Variants in AK4 observed in about 807,000 individuals in gnomAD.
AK4 encodes the protein adenylate kinase 4, mitochondrial.
In AK4, 13 loss-of-function variants were observed where a neutral mutation model predicts 24.6. The observed-to-expected ratio is 0.53, with a 90% CI of 0.34 to 0.84. The LOEUF is 0.84. AK4 is among the 40% of genes least tolerant of loss of function. AK4 has a pLI of 0.01. For missense variants in AK4, 192 were observed against 288.2 expected, an observed-to-expected ratio of 0.67 and a Z score of 2.42; for synonymous variants, 88 against 107.0, an observed-to-expected ratio of 0.82 and a Z score of 1.10.
intron 2 of AK4, among the ~76,000 whole-genome samples, chr1:65,212,439 C>T (rs536779923): frequency 6.6e-6 from 1 of 152,050 alleles, no homozygotes; most frequent in South Asian, 2.1e-4. Flanking sequence ...TGGGATGAGC[C>T]ACTGTGCTCA....
At chr1:65,223,689 T>C (rs762312384) in intron 3 of AK4, among the ~76,000 whole-genome samples, 33 of 152,080 alleles carry the variant, frequency 2.2e-4, no homozygotes, top group Non-Finnish European at 4.1e-4. Flanking sequence ...ATCATATACA[T>C]TTTCAAATCA....
At chr1:65,155,344 G>T (rs960012749) in intron 1 of AK4, among the ~76,000 whole-genome samples, 2 of 152,054 alleles carry the variant, frequency 1.3e-5, no homozygotes, top group African/African-American at 2.4e-5. Context: ...TTGGTGGCGT[G>T]TGCCTATAGT....
In AK4 at chr1:65,217,496, C is replaced by T. The variant is rs550962954; in HGVS notation, c.266-1258C>T. Among the ~76,000 whole-genome samples the T allele has an allele frequency of 1.1e-4, 16 of 152,222 alleles. No individual in the cohort carries two copies. In the South Asian group the frequency reaches 3.3e-3, roughly 32 times the overall value. On this transcript the variant is annotated intron_variant, in intron 2 of 4. Transcript: ENST00000327299. Reference sequence around the variant, plus strand: ...GCTCTTCATCTACCTGGTTCTTTAACTAGGATATAAAGACATTTTTTTAGA... The same window carrying T: ...GCTCTTCATCTACCTGGTTCTTTAATTAGGATATAAAGACATTTTTTTAGA...
At chr1:65,182,538 A>T (rs77954776) in intron 1 of AK4, among the ~76,000 whole-genome samples, 2 of 138,928 alleles carry the variant, frequency 1.4e-5, no homozygotes, top group African/African-American at 5.9e-5. Flanking sequence ...ACATTCAGAT[A>T]AAAAAAAAAA....
chr1:65,155,050 C>T (rs1198385646), intron 1 of AK4, among the ~76,000 whole-genome samples: 1 of 151,910 alleles, frequency 6.6e-6, no homozygotes, highest in East Asian at 2.0e-4. Flanking sequence ...GGGGTTTCAC[C>T]ATGTTGGCCA....
intron 1 of AK4, among the ~76,000 whole-genome samples, chr1:65,150,054 G>T (rs1221791058): frequency 6.6e-6 from 1 of 152,110 alleles, no homozygotes; most frequent in Non-Finnish European, 1.5e-5. Flanking sequence ...TACCTGACTA[G>T]GAGACTTGTT....
At chr1:65,203,926 A>T (rs1275222768) in intron 2 of AK4, among the ~76,000 whole-genome samples, 1 of 152,220 alleles carries the variant, frequency 6.6e-6, no homozygotes, top group Non-Finnish European at 1.5e-5. Flanking sequence ...AGAGATGGAC[A>T]GGTTGATTAG....
At chr1:65,174,974 A>G (rs1650663344) in intron 1 of AK4, among the ~76,000 whole-genome samples, 1 of 152,122 alleles carries the variant, frequency 6.6e-6, no homozygotes, top group Non-Finnish European at 1.5e-5. Context: ...AATGTGCTCC[A>G]TGGTAGGAAT....
At chr1:65,200,725 C>T (rs2101055711) in intron 2 of AK4, among the ~76,000 whole-genome samples, 1 of 152,166 alleles carries the variant, frequency 6.6e-6, no homozygotes, top group South Asian at 2.1e-4. Flanking sequence ...CCAGACACCA[C>T]AGTAGAGCAA....
At chr1:65,175,522 G>GA (rs1650684835) in intron 1 of AK4, among the ~76,000 whole-genome samples, 1 of 152,186 alleles carries the variant, frequency 6.6e-6, no homozygotes, top group Non-Finnish European at 1.5e-5. Context: ...TTCACACTCT[G>GA]GGCCTTGTGC....
Position 65,167,931 on chromosome 1 carries a change from A to G in AK4, c.145+19379A>G, listed in dbSNP as rs184039177. ...AATTAAATCCGCTAGCTCTTCAGAT[A>G]ATTGAAAATAGTTGCTAGGCAGCAC... On this transcript the variant is annotated intron_variant, in intron 1 of 4. Transcript: ENST00000327299. Among the ~76,000 whole-genome samples, 94 of 152,320 alleles carry G rather than the reference A, an allele frequency of 6.2e-4. 1 individual carries two copies. In the East Asian group the frequency reaches 0.017, roughly 28 times the overall value.
At chr1:65,182,545 A>G (rs1458788096) in intron 1 of AK4, among the ~76,000 whole-genome samples, 3 of 152,214 alleles carry the variant, frequency 2.0e-5, no homozygotes, top group Non-Finnish European at 2.9e-5. Flanking sequence ...GATAAAAAAA[A>G]AAAGACCTCA....
At chr1:65,183,786 T>C (rs560574902) in intron 1 of AK4, among the ~76,000 whole-genome samples, 1 of 152,104 alleles carries the variant, frequency 6.6e-6, no homozygotes, top group Admixed American at 6.6e-5. Flanking sequence ...TTAACCAGCC[T>C]TAAGATGATG....
chr1:65,151,085 C>G (rs1378057713), intron 1 of AK4, among the ~76,000 whole-genome samples: 1 of 152,102 alleles, frequency 6.6e-6, no homozygotes, highest in African/African-American at 2.4e-5. Context: ...TCCCAAGTAG[C>G]TGGGATTACA....
intron 2 of AK4, among the ~76,000 whole-genome samples, chr1:65,210,930 C>A (rs1458847896): frequency 6.6e-6 from 1 of 152,232 alleles, no homozygotes. Flanking sequence ...AGTGGCTTAG[C>A]TGGACCTCAA....
At chr1:65,155,520 A>G (rs1213029351) in intron 1 of AK4, among the ~76,000 whole-genome samples, 5 of 152,236 alleles carry the variant, frequency 3.3e-5, no homozygotes, top group African/African-American at 1.2e-4. Flanking sequence ...GTATGGATAT[A>G]TGTAGCATAC....
intron 1 of AK4, among the ~76,000 whole-genome samples, chr1:65,149,723 C>T (rs1649701953): frequency 6.6e-6 from 1 of 152,188 alleles, no homozygotes; most frequent in Non-Finnish European, 1.5e-5. Flanking sequence ...TTCCTTATCT[C>T]TTAAGCAGAT....
At chr1:65,157,496 C>A (rs1650020942) in intron 1 of AK4, among the ~76,000 whole-genome samples, 1 of 152,004 alleles carries the variant, frequency 6.6e-6, no homozygotes. Context: ...GAAAATAACA[C>A]AATTGGGCTG....
intron 3 of AK4, among the ~76,000 whole-genome samples, chr1:65,223,363 A>G (rs1652354077): frequency 6.6e-6 from 1 of 151,670 alleles, no homozygotes; most frequent in Non-Finnish European, 1.5e-5. Context: ...TAATTTTTGT[A>G]TTTTTAGTAG....
Sources: gnomAD v4.1 joint callset for allele counts (sites outside exome capture counted in the v4.1 genomes callset) on GRCh38, gnomAD v4.1.1 for gene constraint, MANE v1.5 for transcripts, NCBI Gene and HGNC (gene_info 2026-07-23, HGNC 2026-07-21) for gene names.